The following HDAC4 variants were observed in gnomAD, a reference collection of about 807,000 sequenced individuals.
The protein encoded by HDAC4 is histone deacetylase 4, also known as histone deacetylase A.
A neutral mutation model predicts 135.1 loss-of-function variants in HDAC4; 16 were observed. The observed-to-expected ratio is 0.12, with a 90% CI of 0.08 to 0.18. The LOEUF (loss-of-function observed/expected upper bound fraction) is 0.18, where lower values mean the gene tolerates loss of function less well. Among genes scored for constraint, HDAC4 ranks in the 10% least tolerant of loss-of-function variants. The probability of loss-of-function intolerance (pLI) is 1.00; values close to 1 mark genes in which losing one functional copy is unlikely to be tolerated. For missense variants in HDAC4, 1,143 were observed against 1,511.8 expected, an observed-to-expected ratio of 0.76 and a Z score of 4.05; for synonymous variants, 685 against 653.4, an observed-to-expected ratio of 1.05 and a Z score of -0.74.
chr2:239,163,623 A>T (rs1289838730), intron 6 of HDAC4, among the ~76,000 whole-genome samples, 180 bp downstream of exon 6: 1 of 151,836 alleles, frequency 6.6e-6, no homozygotes, highest in Non-Finnish European at 1.5e-5. Context: ...CGGCTGCCGC[A>T]CGAGTGTACC....
Position 239,126,390 on chromosome 2 carries a change from C to G in HDAC4, c.1533+66G>C. 2.5e-6 allele frequency: 4 copies of G among 1,610,110 alleles called. No individual in the cohort carries two copies. In the East Asian group the frequency reaches 8.9e-5, roughly 36 times the overall value. On this transcript the variant is annotated intron_variant, in intron 12 of 26. Coordinates refer to ENST00000543185, the MANE Select transcript of HDAC4 (RefSeq NM_001378414.1). ...GGTCAGAAAGGGGCCAGTGCTGAAGCCTGAGGCTGAAGCGCACAGCACACA... is the reference window on the plus strand; with the variant it reads ...GGTCAGAAAGGGGCCAGTGCTGAAGGCTGAGGCTGAAGCGCACAGCACACA...
At chr2:239,108,225 G>C (rs754885032) in intron 14 of HDAC4, 42 bp from the exon 15 acceptor site, 16 of 1,568,340 alleles carry the variant, frequency 1.0e-5, no homozygotes, top group Admixed American at 5.6e-5. Flanking sequence ...CACATCCAGG[G>C]GCGAGCCGAC....
At chr2:239,192,370 T>A (rs1192369332) in intron 3 of HDAC4, among the ~76,000 whole-genome samples, 1 of 152,198 alleles carries the variant, frequency 6.6e-6, no homozygotes, top group Non-Finnish European at 1.5e-5. Context: ...ATCATTTTTA[T>A]GACAAAATAT....
rs143226598 is a variant in HDAC4, at chr2:239,087,576, C to A, written c.2427G>T (p.Ala809=). The A allele has an allele frequency of 5.6e-6, 9 of 1,613,682 alleles. No homozygotes were observed. The highest frequency in any genetic ancestry group is 5.0e-5 in the Admixed American group (3 of 59,946). ...GTACTCACATGGGCGTGCTCTCCTC[C>A]GCATGGTGTCCAGGGGGGCGGACCA... ...FAVVRPPGHH[A]EESTPMGFCY... The change falls in exon 19 of 27, where the codon GCG becomes GCT. Residue 809 remains alanine (A), a synonymous_variant. Coordinates refer to ENST00000543185, the MANE Select transcript of HDAC4 (RefSeq NM_001378414.1).
Position 239,276,939 on chromosome 2 carries a change from C to T in HDAC4, c.23-40275G>A, listed in dbSNP as rs1575590023. Reference sequence around the variant, plus strand: ...AACCCTGACCCCCTAACACACACCCCTCTAGCCCTTGGGGAACACCATTCG... The same window carrying T: ...AACCCTGACCCCCTAACACACACCCTTCTAGCCCTTGGGGAACACCATTCG... On this transcript the variant is annotated intron_variant, in intron 2 of 26. Coordinates refer to ENST00000543185, the MANE Select transcript of HDAC4 (RefSeq NM_001378414.1). 2.0e-5 allele frequency among the ~76,000 whole-genome samples: 3 copies of T among 152,228 alleles called. No individual in the cohort carries two copies. In the South Asian group the frequency reaches 6.2e-4, roughly 32 times the overall value.
At chr2:239,182,777 G>A (rs572966781) in intron 4 of HDAC4, among the ~76,000 whole-genome samples, 13 of 152,194 alleles carry the variant, frequency 8.5e-5, no homozygotes, top group Non-Finnish European at 1.8e-4. Context: ...GGGACCCTCT[G>A]CCCTCGGCAT....
intron 1 of HDAC4, among the ~76,000 whole-genome samples, chr2:239,380,624 C>T (rs777540116): frequency 9.9e-5 from 15 of 152,126 alleles, no homozygotes; most frequent in Admixed American, 2.0e-4. Context: ...GGTGCACAAC[C>T]ACGTGAATAT....
At chr2:239,266,291 G>C (rs1251379534) in intron 2 of HDAC4, among the ~76,000 whole-genome samples, 1 of 152,200 alleles carries the variant, frequency 6.6e-6, no homozygotes, top group Non-Finnish European at 1.5e-5. Context: ...CATAGGCCGG[G>C]ACCCTGGTCC....
chr2:239,225,813 G>A (rs2047210253), intron 3 of HDAC4, among the ~76,000 whole-genome samples: 1 of 152,224 alleles, frequency 6.6e-6, no homozygotes, highest in South Asian at 2.1e-4. Flanking sequence ...GCCCCTCGGA[G>A]CCCCTCATTG....
At chr2:239,233,271 T>C (rs1452563556) in intron 3 of HDAC4, among the ~76,000 whole-genome samples, 1 of 152,226 alleles carries the variant, frequency 6.6e-6, no homozygotes, top group Non-Finnish European at 1.5e-5. Flanking sequence ...AATGGCATTT[T>C]GGCTTTTTCC....
At chr2:239,234,325 G>A (rs1160421651) in intron 3 of HDAC4, among the ~76,000 whole-genome samples, 2 of 152,200 alleles carry the variant, frequency 1.3e-5, no homozygotes, top group Admixed American at 6.5e-5. Flanking sequence ...CAGGAGACAC[G>A]GCACTCTCTC....
At chr2:239,102,132 C>T (rs56315038) in intron 16 of HDAC4, among the ~76,000 whole-genome samples, 19,365 of 150,574 alleles carry the variant, frequency 0.13, 1,349 homozygotes, top group South Asian at 0.2. Flanking sequence ...GCCCCCGGCC[C>T]GGGGTCTGGG....
chr2:239,250,620 C>T (rs570446014), intron 2 of HDAC4, among the ~76,000 whole-genome samples: 3 of 152,314 alleles, frequency 2.0e-5, no homozygotes, highest in Non-Finnish European at 2.9e-5. Flanking sequence ...ATGGGTTCAG[C>T]GTGCACTGGC....
At chr2:239,360,802 T>G (rs764977082) in intron 1 of HDAC4, among the ~76,000 whole-genome samples, 1 of 152,208 alleles carries the variant, frequency 6.6e-6, no homozygotes, top group Non-Finnish European at 1.5e-5. Context: ...CTGGACCAGT[T>G]CCTTATCACC....
chr2:239,218,689 A>G (rs927181596), intron 3 of HDAC4, among the ~76,000 whole-genome samples: 1 of 144,794 alleles, frequency 6.9e-6, no homozygotes, highest in Non-Finnish European at 1.5e-5. Context: ...GCAACCTACA[A>G]AATGGGAGAA....
intron 11 of HDAC4, among the ~76,000 whole-genome samples, chr2:239,132,844 T>C (rs986689141): frequency 1.3e-5 from 2 of 152,228 alleles, no homozygotes; most frequent in Non-Finnish European, 2.9e-5. Context: ...AGGCACATTT[T>C]ACGTTTTTAA....
intron 24 of HDAC4, among the ~76,000 whole-genome samples, 181 bp downstream of exon 24, chr2:239,066,541 C>G (rs1375267950): frequency 2.0e-5 from 3 of 152,156 alleles, no homozygotes; most frequent in Non-Finnish European, 4.4e-5. Context: ...CAGCCATCGT[C>G]ACGGTTCTGC....
rs2035244315 is a variant in HDAC4, at chr2:239,080,833, C to G, written c.2750+262G>C. 30 of 555,020 alleles carry G rather than the reference C, an allele frequency of 5.4e-5. 1 individual carries two copies. The South Asian group carries it at 6.9e-4, about 13-fold the overall frequency. 34.4% of individuals were successfully genotyped at this position (555,020 alleles called of 1,614,324 possible). On this transcript the variant is annotated intron_variant, in intron 22 of 26. Coordinates refer to ENST00000543185, the MANE Select transcript of HDAC4 (RefSeq NM_001378414.1). ...AAAGTCCCTGCCTCTGTCTCCATCACTCTCTCACCATCGACCCAAAGTGAG... is the reference window on the plus strand; with the variant it reads ...AAAGTCCCTGCCTCTGTCTCCATCAGTCTCTCACCATCGACCCAAAGTGAG...
At chr2:239,075,695 T>C (rs1370068437) in intron 22 of HDAC4, among the ~76,000 whole-genome samples, 1 of 152,240 alleles carries the variant, frequency 6.6e-6, no homozygotes, top group Non-Finnish European at 1.5e-5. Flanking sequence ...GTGGCCTCAA[T>C]GTGGCTTCTC....
Sources: allele counts gnomAD v4.1 joint callset (sites outside exome capture counted in the v4.1 genomes callset), GRCh38; gene constraint gnomAD v4.1.1; transcripts MANE v1.5; gene names NCBI Gene and HGNC (gene_info 2026-07-23, HGNC 2026-07-21).